The following CAMKMT variants were observed in gnomAD, a reference collection of about 807,000 sequenced individuals.
CAMKMT encodes CaM KMT.
In CAMKMT, 53 loss-of-function variants were observed where a neutral mutation model predicts 48.0. That is an observed-to-expected ratio of 1.10 (90% CI 0.89 to 1.39). The LOEUF is 1.39. CAMKMT is among the 40% of genes most tolerant of loss of function. CAMKMT has a pLI of 0.00. For missense variants in CAMKMT, 428 were observed against 402.7 expected, an observed-to-expected ratio of 1.06 and a Z score of -0.54; for synonymous variants, 165 against 152.3, an observed-to-expected ratio of 1.08 and a Z score of -0.61.
chr2:44,536,815 C>T (rs11898299), intron 3 of CAMKMT, among the ~76,000 whole-genome samples: 71,688 of 151,852 alleles, frequency 0.47, 18,361 homozygotes, highest in Non-Finnish European at 0.58. Flanking sequence ...TAAAAATTGA[C>T]GTATAGACCA....
chr2:44,389,887 G>T (rs1314327426), intron 2 of CAMKMT, among the ~76,000 whole-genome samples: 1 of 152,102 alleles, frequency 6.6e-6, no homozygotes, highest in Non-Finnish European at 1.5e-5. Context: ...GTGTGGTTCT[G>T]GAAGGTGATG....
At chr2:44,735,937 A>C (rs1020676992) in intron 7 of CAMKMT, among the ~76,000 whole-genome samples, 57 of 146,854 alleles carry the variant, frequency 3.9e-4, no homozygotes, top group Admixed American at 1.4e-4. Flanking sequence ...AAAACAAAAC[A>C]AAACCTTACA....
chr2:44,418,264 C>G (rs1277189036), intron 3 of CAMKMT, among the ~76,000 whole-genome samples: 1 of 149,618 alleles, frequency 6.7e-6, no homozygotes, highest in Non-Finnish European at 1.5e-5. Flanking sequence ...CAGGCATGTA[C>G]TAAGAGTATT....
chr2:44,650,511 C>T (rs1280589423), intron 3 of CAMKMT, among the ~76,000 whole-genome samples: 1 of 152,168 alleles, frequency 6.6e-6, no homozygotes, highest in Non-Finnish European at 1.5e-5. Flanking sequence ...TGCTCTATTT[C>T]CAAGTGACGT....
chr2:44,720,210 G>A (rs189415787), intron 7 of CAMKMT, among the ~76,000 whole-genome samples: 76 of 152,256 alleles, frequency 5.0e-4, no homozygotes, highest in Non-Finnish European at 9.6e-4. Context: ...AAAATAGGAG[G>A]ATGCTGTATT....
chr2:44,730,545 G>A (rs1679026472), intron 7 of CAMKMT, among the ~76,000 whole-genome samples: 1 of 152,318 alleles, frequency 6.6e-6, no homozygotes. Context: ...TCCCAAATTA[G>A]GAAGTCAACG....
intron 3 of CAMKMT, among the ~76,000 whole-genome samples, chr2:44,430,071 G>T (rs1261812928): frequency 1.3e-5 from 2 of 151,800 alleles, no homozygotes; most frequent in Non-Finnish European, 2.9e-5. Context: ...CTTTCAATGG[G>T]CTTTCGGCTA....
chr2:44,526,671 C>G (rs1293043223), intron 3 of CAMKMT, among the ~76,000 whole-genome samples: 1 of 152,044 alleles, frequency 6.6e-6, no homozygotes, highest in African/African-American at 2.4e-5. Flanking sequence ...CTGTTTGGGC[C>G]CTCAACTGAT....
At chr2:44,607,653 C>T (rs532646537) in intron 3 of CAMKMT, among the ~76,000 whole-genome samples, 15 of 152,142 alleles carry the variant, frequency 9.9e-5, no homozygotes, top group African/African-American at 3.6e-4. Flanking sequence ...TAGGTAAACA[C>T]TTGGTTACAG....
intron 3 of CAMKMT, among the ~76,000 whole-genome samples, chr2:44,509,485 G>GT (rs995989873): frequency 1.7e-4 from 26 of 151,792 alleles, no homozygotes; most frequent in African/African-American, 5.1e-4. Context: ...AATTTTTTGT[G>GT]TTTTTTGTAG....
chr2:44,456,471 C>T, intron 3 of CAMKMT: 3 of 1,425,788 alleles, frequency 2.1e-6, no homozygotes, highest in Non-Finnish European at 2.8e-6. Flanking sequence ...TAAATATGTA[C>T]ATTCTTGTGA....
At chr2:44,436,909 T>C (rs1251700946) in intron 3 of CAMKMT, among the ~76,000 whole-genome samples, 1 of 152,210 alleles carries the variant, frequency 6.6e-6, no homozygotes, top group Non-Finnish European at 1.5e-5. Context: ...AATGATATTT[T>C]AGGTACCTGA....
intron 3 of CAMKMT, among the ~76,000 whole-genome samples, chr2:44,426,453 C>T (rs1684281806): frequency 6.6e-6 from 1 of 152,188 alleles, no homozygotes; most frequent in Admixed American, 6.5e-5. Context: ...AGATTCTGCT[C>T]AAAGACTCCT....
chr2:44,726,222 T>C (rs1461331446), intron 7 of CAMKMT, among the ~76,000 whole-genome samples: 1 of 152,236 alleles, frequency 6.6e-6, no homozygotes, highest in East Asian at 1.9e-4. Context: ...TCCATGGTGG[T>C]TGAACTAATT....
intron 3 of CAMKMT, among the ~76,000 whole-genome samples, chr2:44,416,568 A>ATTTTTT (rs34882377): frequency 6.4e-4 from 51 of 80,196 alleles, no homozygotes; most frequent in African/African-American, 1.0e-3. Flanking sequence ...ACTTAGCATG[A>ATTTTTT]TTTTTTTTTT....
At chr2:44,378,745 G>A (rs1679950868) in intron 2 of CAMKMT, among the ~76,000 whole-genome samples, 1 of 152,050 alleles carries the variant, frequency 6.6e-6, no homozygotes, top group Admixed American at 6.6e-5. Flanking sequence ...ACCCACCTTG[G>A]CCTCCCAAAG....
intron 3 of CAMKMT, among the ~76,000 whole-genome samples, chr2:44,579,888 A>G (rs1231020466): frequency 1.9e-5 from 2 of 105,556 alleles, no homozygotes; most frequent in Non-Finnish European, 4.1e-5. Flanking sequence ...TTGTGGTCCA[A>G]AGTGACTGCC....
intron 2 of CAMKMT, among the ~76,000 whole-genome samples, chr2:44,385,139 G>C (rs998122368): frequency 1.3e-5 from 2 of 152,024 alleles, no homozygotes; most frequent in Non-Finnish European, 2.9e-5. Context: ...AATTGTTTGT[G>C]TCGTCTGTGA....
At chr2:44,528,436 A>G (rs1482392904) in intron 3 of CAMKMT, among the ~76,000 whole-genome samples, 3 of 152,046 alleles carry the variant, frequency 2.0e-5, no homozygotes, top group African/African-American at 7.2e-5. Context: ...ACTCATTGCC[A>G]CCCCCTTAAC....
Sources: allele counts gnomAD v4.1 joint callset (sites outside exome capture counted in the v4.1 genomes callset), GRCh38; gene constraint gnomAD v4.1.1; transcripts MANE v1.5; gene names NCBI Gene and HGNC (gene_info 2026-07-23, HGNC 2026-07-21).